PAPOLG: variants seen among roughly 807,000 people sequenced by gnomAD.
PAPOLG encodes PAP-gamma.
A neutral mutation model predicts 99.0 loss-of-function variants in PAPOLG; 40 were observed. That is an observed-to-expected ratio of 0.40 (90% CI 0.31 to 0.53). The LOEUF is 0.53. PAPOLG is among the 20% of genes least tolerant of loss of function. The probability of loss-of-function intolerance (pLI) is 0.41; values close to 1 mark genes in which losing one functional copy is unlikely to be tolerated. For synonymous variants in PAPOLG, 310 were observed against 299.3 expected (o/e 1.04, Z -0.37); for missense variants, 675 against 884.1 (o/e 0.76, Z 3.00).
chr2:60,794,485 A>G lies in PAPOLG; in HGVS notation c.1990-225A>G, dbSNP rs1257368533. Reference sequence around the variant, plus strand: ...GCTTCCAGTAGGTGGTGGTAAAACTATATTTGTTAGAATCTGAATTGATTT... The same window carrying G: ...GCTTCCAGTAGGTGGTGGTAAAACTGTATTTGTTAGAATCTGAATTGATTT... On this transcript the variant is annotated intron_variant, in intron 19 of 21. Coordinates refer to ENST00000238714, the MANE Select transcript of PAPOLG (RefSeq NM_022894.4). 11 of 574,418 alleles carry G rather than the reference A, an allele frequency of 1.9e-5. No homozygotes were observed. The South Asian group carries it at 2.2e-4, about 12-fold the overall frequency. The allele number at this position is 574,418 out of a possible 1,614,324, so 35.6% of individuals were successfully genotyped here.
In PAPOLG at chr2:60,780,765, G is replaced by C; in HGVS notation, c.892G>C (p.Val298Leu). The change falls in exon 10 of 22, where the codon GTC (valine) becomes CTC (leucine). Residue 298 changes from valine (V) to leucine (L), a missense_variant. Coordinates refer to ENST00000238714, the MANE Select transcript of PAPOLG (RefSeq NM_022894.4). ...AGAAGAAAGCAATTTGAATTTGCCT[G>C]TCTGGGATCCTCGGGTATGTGATTT... ...QPEESNLNLP[V>L]WDPRVNPSDR... 6.2e-7 allele frequency: 1 copy of C among 1,613,258 alleles called. No individual in the cohort carries two copies. Among genetic ancestry groups the C allele is most frequent in the Non-Finnish European group, 8.5e-7 (1 of 1,179,200 alleles).
chr2:60,788,720 G>A (rs757154121), intron 15 of PAPOLG, among the ~76,000 whole-genome samples: 6 of 152,106 alleles, frequency 3.9e-5, no homozygotes, highest in Non-Finnish European at 7.4e-5. Flanking sequence ...TGCCAGGCAC[G>A]GTGGCTCACA....
chr2:60,787,897 C>G (rs1035374332), intron 15 of PAPOLG, among the ~76,000 whole-genome samples: 3 of 152,046 alleles, frequency 2.0e-5, no homozygotes, highest in African/African-American at 7.2e-5. Context: ...ACTAAAAATA[C>G]AAAGTTAGTA....
rs1273422539 is a variant in PAPOLG, at chr2:60,799,673, G to A, written c.*2513G>A. 1 of 151,070 alleles carries A rather than the reference G, an allele frequency of 6.6e-6. No individual in the cohort carries two copies. Among genetic ancestry groups the A allele is most frequent in the African/African-American group, 2.4e-5 (1 of 41,014 alleles). 9.4% of individuals were successfully genotyped at this position (151,070 alleles called of 1,614,324 possible). A position where few individuals can be genotyped will look rare whatever the true frequency, so the allele number is the denominator to read the frequency against. The stretch of plus-strand genomic sequence containing the variant: ...GAGTTTTGCTCTTGTTGCCCAGGCT[G>A]GAGTGCAGTAGCCCAATCTCGGCTC... On this transcript the variant is annotated 3_prime_UTR_variant, in exon 22 of 22. Transcript: ENST00000238714.
intron 6 of PAPOLG, 111 bp downstream of exon 6, chr2:60,770,622 C>A: frequency 2.0e-6 from 1 of 506,050 alleles, no homozygotes; most frequent in Non-Finnish European, 3.2e-6. Flanking sequence ...CAAGTAATCT[C>A]TTTTTTTTTT....
chr2:60,787,071 G>A lies in PAPOLG; in HGVS notation c.1286+5G>A. On this transcript the variant is annotated splice_donor_5th_base_variant and intron_variant, in intron 14 of 21. Transcript: ENST00000238714. ...GAATAAGGAACATCATAAAGAGTAA[G>A]TTAATTGTTTTATAATACTTTATTT... is the stretch of plus-strand genomic sequence containing the variant. The A allele has an allele frequency of 6.3e-7, 1 of 1,582,926 alleles. No homozygotes were observed. Among genetic ancestry groups the A allele is most frequent in the Non-Finnish European group, 8.6e-7 (1 of 1,163,818 alleles).
At position 60,794,791 on chromosome 2, in the gene PAPOLG, G is replaced by C; in HGVS notation, c.2055+16G>C. 1 of 1,578,516 alleles carries C rather than the reference G, an allele frequency of 6.3e-7. No individual in the cohort carries two copies. The highest frequency in any genetic ancestry group is 1.1e-5 in the South Asian group (1 of 90,156). Reference sequence around the variant, plus strand: ...AAAATCAGTGGTAAATATATTAATAGTGTGCTTCAGAATATTTATTGTAAA... The same window carrying C: ...AAAATCAGTGGTAAATATATTAATACTGTGCTTCAGAATATTTATTGTAAA... On this transcript the variant is annotated intron_variant, in intron 20 of 21. Coordinates refer to ENST00000238714, the MANE Select transcript of PAPOLG (RefSeq NM_022894.4).
chr2:60,770,719 G>A (rs1258867797), intron 6 of PAPOLG, among the ~76,000 whole-genome samples: 1 of 151,794 alleles, frequency 6.6e-6, no homozygotes, highest in East Asian at 1.9e-4. Flanking sequence ...GAGCACCTGG[G>A]TTGAAGTGAT....
At chr2:60,761,881 T>A in intron 3 of PAPOLG, 74 bp downstream of exon 3, 1 of 1,050,108 alleles carries the variant, frequency 9.5e-7, no homozygotes. Context: ...AAGATGCAGG[T>A]GTTGAGAAGT....
At chr2:60,796,033 A>T (rs145174322) in intron 21 of PAPOLG, among the ~76,000 whole-genome samples, 1 of 152,222 alleles carries the variant, frequency 6.6e-6, no homozygotes, top group Non-Finnish European at 1.5e-5. Context: ...TTGGCATTTA[A>T]GTCCTTATTG....
intron 17 of PAPOLG, among the ~76,000 whole-genome samples, chr2:60,793,250 C>G (rs1158277376): frequency 9.6e-6 from 1 of 104,004 alleles, no homozygotes; most frequent in Non-Finnish European, 2.0e-5. Context: ...AATGTTACAA[C>G]AAGAGTGTTT....
rs2103833745 is a variant in PAPOLG at position 60,797,091 on chromosome 2, A to T, written c.2142A>T (p.Ser714=). ...TACCCAGTAAAGAACTACCAGATTC[A>T]TCATCTCCAGTTCCAGCAAACAACA... is the stretch of plus-strand genomic sequence containing the variant. ...KRLPSKELPD[S]SSPVPANNIR... Residue 714 remains serine, a synonymous_variant, in exon 22 of 22, where the codon TCA becomes TCT. Transcript: ENST00000238714. 6.2e-7 allele frequency: 1 copy of T among 1,613,326 alleles called. No individual in the cohort carries two copies.
At chr2:60,795,649 T>C (rs1671673840) in intron 21 of PAPOLG, among the ~76,000 whole-genome samples, 1 of 150,616 alleles carries the variant, frequency 6.6e-6, no homozygotes, top group African/African-American at 2.4e-5. Flanking sequence ...ATAATAATGA[T>C]AAATAATTAT....
At chr2:60,766,456 G>A (rs949694411) in intron 3 of PAPOLG, among the ~76,000 whole-genome samples, 3 of 152,042 alleles carry the variant, frequency 2.0e-5, no homozygotes, top group Admixed American at 1.3e-4. Flanking sequence ...TTTAAAACAG[G>A]AACTTGAGAC....
At chr2:60,768,615 A>G (rs1670756427) in intron 4 of PAPOLG, 64 bp downstream of exon 4, 10 of 1,429,470 alleles carry the variant, frequency 7.0e-6, no homozygotes, top group Non-Finnish European at 9.7e-6. Flanking sequence ...TAATTAGAAA[A>G]TGTAGGAGAA....
At chr2:60,760,565 T>C (rs771236264) in intron 2 of PAPOLG, among the ~76,000 whole-genome samples, 5 of 152,226 alleles carry the variant, frequency 3.3e-5, no homozygotes, top group Admixed American at 1.3e-4. Flanking sequence ...GAAAGCCTCA[T>C]TGAGAAAGTT....
At chr2:60,765,235 CTTTTTTTTTTT>C (rs557009182) in intron 3 of PAPOLG, among the ~76,000 whole-genome samples, 1 of 119,846 alleles carries the variant, frequency 8.3e-6, no homozygotes, top group African/African-American at 3.0e-5. Context: ...TGCCTAGCTA[CTTTTTTTTTTT>C]TTTTTTTTTT....
At chr2:60,768,386 G>A (rs948547803) in intron 3 of PAPOLG, 84 bp from the exon 4 acceptor site, 1 of 1,395,620 alleles carries the variant, frequency 7.2e-7, no homozygotes, top group Non-Finnish European at 1.0e-6. Context: ...ACAAGTGTGA[G>A]CCACCATGCC....
chr2:60,768,659 T>G (rs1670757894), intron 4 of PAPOLG, 108 bp downstream of exon 4: 1 of 1,325,344 alleles, frequency 7.5e-7, no homozygotes, highest in South Asian at 1.4e-5. Context: ...TTAGAGCTAA[T>G]CATTGTTAAC....
Sources: allele counts gnomAD v4.1 joint callset (sites outside exome capture counted in the v4.1 genomes callset), GRCh38; gene constraint gnomAD v4.1.1; transcripts MANE v1.5; gene names NCBI Gene and HGNC (gene_info 2026-07-23, HGNC 2026-07-21).